The following RAD18 variants were observed in gnomAD, a reference collection of about 807,000 sequenced individuals.
RAD18 encodes RAD18 E3 ubiquitin protein ligase, also known as E3 ubiquitin-protein ligase RAD18.
Under a neutral mutation model 60.4 loss-of-function variants are expected in RAD18, and 47 were observed. The ratio of observed to expected loss-of-function variants is 0.78; its 90% CI spans 0.62 to 0.99. The LOEUF is 0.99. RAD18 is among the 50% of genes least tolerant of loss of function. The probability of loss-of-function intolerance (pLI) is 0.00; values close to 1 mark genes in which losing one functional copy is unlikely to be tolerated. For missense variants in RAD18, 640 were observed against 593.3 expected (o/e 1.08, Z -0.82); for synonymous variants, 225 against 195.5 (o/e 1.15, Z -1.26).
intron 9 of RAD18, among the ~76,000 whole-genome samples, chr3:8,910,133 G>A (rs563653190): frequency 6.6e-6 from 1 of 152,176 alleles, no homozygotes; most frequent in Non-Finnish European, 1.5e-5. Flanking sequence ...TAGTAGACTG[G>A]AACAGGACAA....
rs914589668 is a variant in RAD18 at position 8,881,088 on chromosome 3, G to C, written c.*269C>G. On this transcript the variant is annotated 3_prime_UTR_variant, in exon 13 of 13. Transcript: ENST00000264926. ...CAAATCCCTGTGCCAAAGTGCCAAA[G>C]AGTCTACCTCCTCTGCAAAGCTGGT... The C allele has an allele frequency of 6.1e-6, 2 of 326,994 alleles. No individual in the cohort carries two copies. The highest frequency in any genetic ancestry group is 2.2e-5 in the African/African-American group (1 of 45,840). The allele number at this position is 326,994 out of a possible 1,614,324, so 20.3% of individuals were successfully genotyped here. A position where few individuals can be genotyped will look rare whatever the true frequency, so the allele number is the denominator to read the frequency against.
chr3:8,893,106 T>C (rs1939721837), intron 11 of RAD18, among the ~76,000 whole-genome samples: 1 of 152,220 alleles, frequency 6.6e-6, no homozygotes, highest in Non-Finnish European at 1.5e-5. Context: ...CTCAGCACCA[T>C]GCTCCAATTT....
At chr3:8,914,549 TTTTA>T (rs1189797517) in intron 7 of RAD18, among the ~76,000 whole-genome samples, 1 of 152,164 alleles carries the variant, frequency 6.6e-6, no homozygotes, top group Non-Finnish European at 1.5e-5. Context: ...CCCATTAAAG[TTTTA>T]TTTTTTTTAA....
At chr3:8,912,958 T>C (rs1940128728) in intron 8 of RAD18, among the ~76,000 whole-genome samples, 1 of 152,196 alleles carries the variant, frequency 6.6e-6, no homozygotes, top group Admixed American at 6.5e-5. Flanking sequence ...CCCATTTTTT[T>C]CCTACTTATT....
intron 4 of RAD18, among the ~76,000 whole-genome samples, chr3:8,943,336 G>GA (rs58752517): frequency 1 from 149,901 of 150,042 alleles, 74,880 homozygotes; most frequent in Middle Eastern, 1. Flanking sequence ...ACATGTTAAA[G>GA]AAAAAAAAAG....
intron 12 of RAD18, 133 bp from the exon 13 acceptor site, chr3:8,881,592 A>G (rs1167706683): frequency 4.5e-6 from 3 of 660,294 alleles, no homozygotes; most frequent in Non-Finnish European, 5.1e-6. Context: ...TGATGAATTC[A>G]TAATTGTTAT....
intron 2 of RAD18, among the ~76,000 whole-genome samples, chr3:8,957,241 A>G (rs544810747): frequency 1.3e-5 from 2 of 152,338 alleles, no homozygotes; most frequent in East Asian, 3.9e-4. Flanking sequence ...TTAAGATGTC[A>G]ATTCTCCCAA....
rs575037503 is a variant in RAD18, at chr3:8,919,040, C to T, written c.890-5320G>A. Among the ~76,000 whole-genome samples, 3 of 152,280 alleles carry T rather than the reference C, an allele frequency of 2.0e-5. No individual in the cohort carries two copies. The East Asian group carries it at 5.8e-4, about 29-fold the overall frequency. On this transcript the variant is annotated intron_variant, in intron 7 of 12. Transcript: ENST00000264926. ...TCCTTCAGCCTGTGCAGGGCATCCC[C>T]GACCAACATGTGAAATTGTTTACAA...
chr3:8,956,051 C>T (rs925344446), intron 2 of RAD18, among the ~76,000 whole-genome samples: 2 of 152,112 alleles, frequency 1.3e-5, no homozygotes, highest in African/African-American at 2.4e-5. Flanking sequence ...TATACTATAA[C>T]AAAAGTTATG....
rs1274658193 is a variant in RAD18 at position 8,935,937 on chromosome 3, T to G, written c.823A>C (p.Ile275Leu). 8.1e-6 allele frequency: 13 copies of G among 1,612,306 alleles called. No homozygotes were observed. Among genetic ancestry groups the G allele is most frequent in the Non-Finnish European group, 1.1e-5 (13 of 1,178,852 alleles). The change falls in exon 7 of 13, where the codon ATT (isoleucine) becomes CTT (leucine). Residue 275 changes from isoleucine to leucine, a missense_variant. By Grantham distance (5) the Ile-to-Leu change is conservative. Transcript: ENST00000264926. ...TGTACAAATTCTTGGTGCCTTTTAA[T>G]GAGCTGTTGTTTATTTCCTTGAATA... ...LSIQGNKQQL[I>L]KRHQEFVHMY... is the part of the protein sequence containing the mutation.
At chr3:8,939,721 C>A (rs1228948890) in intron 5 of RAD18, 68 bp from the exon 6 acceptor site, 2 of 1,298,474 alleles carry the variant, frequency 1.5e-6, no homozygotes, top group East Asian at 2.4e-5. Flanking sequence ...TGTAAACTGG[C>A]ATCTTTTCAG....
At chr3:8,940,797 G>A (rs171029) in intron 5 of RAD18, among the ~76,000 whole-genome samples, 87,664 of 152,132 alleles carry the variant, frequency 0.58, 27,690 homozygotes, top group Middle Eastern at 0.71. Flanking sequence ...AACAGGGGCC[G>A]GCAAACATTC....
intron 9 of RAD18, among the ~76,000 whole-genome samples, chr3:8,905,688 T>C: frequency 6.6e-6 from 1 of 152,240 alleles, no homozygotes; most frequent in African/African-American, 2.4e-5. Context: ...CTAGTGACAC[T>C]TTAATTTCAT....
At chr3:8,901,754 C>T (rs1194087291) in intron 10 of RAD18, among the ~76,000 whole-genome samples, 1 of 152,156 alleles carries the variant, frequency 6.6e-6, no homozygotes, top group Non-Finnish European at 1.5e-5. Context: ...TGTGAATGTA[C>T]TTAATGCCAA....
chr3:8,912,472 G>C (rs1940121121), intron 8 of RAD18, 100 bp from the exon 9 acceptor site: 2 of 779,514 alleles, frequency 2.6e-6, no homozygotes, highest in Non-Finnish European at 4.0e-6. Context: ...GTTTAAAATA[G>C]AGGAAAATGA....
At chr3:8,906,163 A>C (rs973070437) in intron 9 of RAD18, among the ~76,000 whole-genome samples, 11 of 152,324 alleles carry the variant, frequency 7.2e-5, no homozygotes, top group African/African-American at 2.6e-4. Flanking sequence ...TTAAAAATGG[A>C]AAAGGTAAAT....
intron 1 of RAD18, 48 bp from the exon 2 acceptor site, chr3:8,959,049 G>T (rs771687838): frequency 1.3e-6 from 2 of 1,489,072 alleles, no homozygotes; most frequent in East Asian, 2.3e-5. Context: ...CATCAAAATT[G>T]GAAGTCCTGT....
At chr3:8,959,832 A>G (rs1407765990) in intron 1 of RAD18, among the ~76,000 whole-genome samples, 1 of 151,210 alleles carries the variant, frequency 6.6e-6, no homozygotes, top group Non-Finnish European at 1.5e-5. Context: ...CAGTGAGCCC[A>G]CATCGCACCA....
chr3:8,929,972 G>A (rs1387854779), intron 7 of RAD18, among the ~76,000 whole-genome samples: 1 of 152,156 alleles, frequency 6.6e-6, no homozygotes, highest in Non-Finnish European at 1.5e-5. Context: ...TACACTGCTA[G>A]TAGGATGTAA....
Sources: allele counts gnomAD v4.1 joint callset (sites outside exome capture counted in the v4.1 genomes callset), GRCh38; gene constraint gnomAD v4.1.1; transcripts MANE v1.5; gene names NCBI Gene and HGNC (gene_info 2026-07-23, HGNC 2026-07-21).